Variants in FHOD3 observed in about 807,000 individuals in gnomAD.
FHOD3 encodes FH1/FH2 domain-containing protein 3.
FHOD3 carries 90 observed loss-of-function variants against 173.0 expected under a neutral mutation model. That is an observed-to-expected ratio of 0.52 (90% CI 0.44 to 0.62). The LOEUF is 0.62. Among genes scored for constraint, FHOD3 ranks in the 20% least tolerant of loss-of-function variants. FHOD3 has a pLI of 0.00. For missense variants in FHOD3, 1,945 were observed against 2,034.7 expected, an observed-to-expected ratio of 0.96 and a Z score of 0.85; for synonymous variants, 828 against 823.0, an observed-to-expected ratio of 1.01 and a Z score of -0.10.
At position 36,779,191 on chromosome 18, in the gene FHOD3, C is replaced by G. The variant is rs769269788; in HGVS notation, c.4787-257C>G. 1.5e-5 allele frequency: 8 copies of G among 527,718 alleles called. No homozygotes were observed. In the South Asian group the frequency reaches 1.6e-4, roughly 11 times the overall value. The allele number at this position is 527,718 out of a possible 1,614,324, so 32.7% of individuals were successfully genotyped here. On this transcript the variant is annotated intron_variant, in intron 28 of 28. Coordinates refer to ENST00000590592, the MANE Select transcript of FHOD3 (RefSeq NM_001281740.3). ...CCTTTCTCTCCTCTTTATAAGTGCC[C>G]GCATCACTCCTCTCGGCCCTCCAAA...
At chr18:36,410,007 A>G (rs1465027215) in intron 3 of FHOD3, among the ~76,000 whole-genome samples, 3 of 152,250 alleles carry the variant, frequency 2.0e-5, no homozygotes, top group Non-Finnish European at 4.4e-5. Flanking sequence ...GAAGGGCTTT[A>G]CAAGCTGTAA....
intron 10 of FHOD3, among the ~76,000 whole-genome samples, chr18:36,641,877 C>T (rs112792603): frequency 7.3e-5 from 11 of 150,926 alleles, no homozygotes; most frequent in African/African-American, 2.0e-4. Context: ...CGCTTGAACC[C>T]GGGGGTTGGA....
intron 10 of FHOD3, among the ~76,000 whole-genome samples, chr18:36,632,230 A>G (rs1005213265): frequency 8.5e-5 from 13 of 152,214 alleles, no homozygotes; most frequent in African/African-American, 3.1e-4. Context: ...GAATGTTAGG[A>G]GATTTTCATA....
At chr18:36,629,655 T>C (rs1476779053) in intron 10 of FHOD3, among the ~76,000 whole-genome samples, 2 of 152,272 alleles carry the variant, frequency 1.3e-5, no homozygotes, top group Non-Finnish European at 2.9e-5. Context: ...CATGAAGAGA[T>C]AGAGACTATA....
chr18:36,599,175 G>A (rs1348167005), intron 7 of FHOD3, among the ~76,000 whole-genome samples: 1 of 152,172 alleles, frequency 6.6e-6, no homozygotes, highest in African/African-American at 2.4e-5. Context: ...TCTGGGTATG[G>A]GGTCCTTCCT....
chr18:36,339,406 G>T (rs112434016), intron 1 of FHOD3, among the ~76,000 whole-genome samples: 1 of 152,210 alleles, frequency 6.6e-6, no homozygotes, highest in African/African-American at 2.4e-5. Context: ...GGTGTGTAAC[G>T]AGTGTAGTTG....
At chr18:36,704,890 A>G (rs1387311663) in intron 17 of FHOD3, among the ~76,000 whole-genome samples, 1 of 152,218 alleles carries the variant, frequency 6.6e-6, no homozygotes, top group Non-Finnish European at 1.5e-5. Context: ...CCTGCTGTTC[A>G]GAGTCTCAGT....
At chr18:36,550,148 C>T (rs960137845) in intron 5 of FHOD3, among the ~76,000 whole-genome samples, 1 of 150,458 alleles carries the variant, frequency 6.6e-6, no homozygotes, top group Non-Finnish European at 1.5e-5. Flanking sequence ...ACTGAATTGT[C>T]TGTACATCTT....
intron 2 of FHOD3, among the ~76,000 whole-genome samples, chr18:36,363,535 C>T (rs2046737372): frequency 1.3e-5 from 2 of 152,066 alleles, no homozygotes; most frequent in South Asian, 4.1e-4. Flanking sequence ...GAAGTTAAAC[C>T]AGTCTGAAAA....
chr18:36,626,771 G>T (rs2034141307), intron 10 of FHOD3, among the ~76,000 whole-genome samples: 1 of 152,220 alleles, frequency 6.6e-6, no homozygotes, highest in South Asian at 2.1e-4. Context: ...CTCAGAATAA[G>T]TTGGATGACC....
intron 10 of FHOD3, among the ~76,000 whole-genome samples, chr18:36,640,802 G>T (rs1262295321): frequency 6.6e-6 from 1 of 151,996 alleles, no homozygotes; most frequent in Non-Finnish European, 1.5e-5. Context: ...ATTTTTCTCT[G>T]TGCTGTGTGA....
intron 3 of FHOD3, among the ~76,000 whole-genome samples, chr18:36,439,943 T>C (rs1343134965): frequency 6.6e-6 from 1 of 152,194 alleles, no homozygotes; most frequent in Non-Finnish European, 1.5e-5. Context: ...TCTTCTTTAC[T>C]CAGTCTACAG....
intron 19 of FHOD3, among the ~76,000 whole-genome samples, chr18:36,727,241 A>G (rs1411348481): frequency 1.3e-5 from 2 of 152,184 alleles, no homozygotes; most frequent in African/African-American, 4.8e-5. Flanking sequence ...CAGAAGGACA[A>G]TTCAAATGGA....
chr18:36,479,672 A>G (rs1242311223), intron 3 of FHOD3, among the ~76,000 whole-genome samples: 1 of 152,208 alleles, frequency 6.6e-6, no homozygotes, highest in Non-Finnish European at 1.5e-5. Flanking sequence ...TTAGACATAT[A>G]TTAAGAACTC....
chr18:36,539,948 G>A (rs887525339), intron 5 of FHOD3, among the ~76,000 whole-genome samples: 5 of 152,154 alleles, frequency 3.3e-5, no homozygotes, highest in African/African-American at 4.8e-5. Flanking sequence ...AACAAAGAGA[G>A]GCCCTGAAGA....
intron 1 of FHOD3, among the ~76,000 whole-genome samples, chr18:36,336,682 CAAAAAA>C (rs35621641): frequency 7.4e-6 from 1 of 135,802 alleles, no homozygotes; most frequent in Non-Finnish European, 1.6e-5. Flanking sequence ...GCTAAAAATA[CAAAAAA>C]AAAAAAAAAA....
intron 17 of FHOD3, among the ~76,000 whole-genome samples, chr18:36,702,281 G>A (rs2044354869): frequency 6.6e-6 from 1 of 152,194 alleles, no homozygotes; most frequent in African/African-American, 2.4e-5. Flanking sequence ...TGCAGCTCAT[G>A]AGACAGTCTC....
At chr18:36,491,766 A>G (rs1025036300) in intron 3 of FHOD3, among the ~76,000 whole-genome samples, 3 of 151,220 alleles carry the variant, frequency 2.0e-5, no homozygotes, top group African/African-American at 7.4e-5. Context: ...ATCTTCCCAT[A>G]TACATTTAAG....
At chr18:36,495,111 ATT>A (rs112373257) in intron 3 of FHOD3, among the ~76,000 whole-genome samples, 8 of 147,812 alleles carry the variant, frequency 5.4e-5, no homozygotes, top group African/African-American at 2.0e-4. Flanking sequence ...TAATTTTTGT[ATT>A]TTTTTTTTGT....
Sources: gnomAD v4.1 joint callset for allele counts (sites outside exome capture counted in the v4.1 genomes callset) on GRCh38, gnomAD v4.1.1 for gene constraint, MANE v1.5 for transcripts, NCBI Gene and HGNC (gene_info 2026-07-23, HGNC 2026-07-21) for gene names.